BCL2L13: variants seen among roughly 807,000 people sequenced by gnomAD.
BCL2L13 encodes the protein BCL2 like 13, also known as bcl-2-like protein 13.
A neutral mutation model predicts 25.8 loss-of-function variants in BCL2L13; 13 were observed. That is an observed-to-expected ratio of 0.50 (90% confidence interval 0.33 to 0.80). The LOEUF (loss-of-function observed/expected upper bound fraction) is 0.80, where lower values mean the gene tolerates loss of function less well. Among genes scored for constraint, BCL2L13 ranks in the 30% least tolerant of loss-of-function variants. The pLI is 0.02. For missense variants in BCL2L13, 504 were observed against 574.9 expected, an observed-to-expected ratio of 0.88 and a Z score of 1.26; for synonymous variants, 244 against 230.3, an observed-to-expected ratio of 1.06 and a Z score of -0.54.
chr22:17,633,076 G>C (rs954111176), intron 1 of BCL2L13, among the ~76,000 whole-genome samples: 21 of 152,104 alleles, frequency 1.4e-4, no homozygotes, highest in African/African-American at 4.8e-4. Flanking sequence ...TTTTTATTTT[G>C]AGACATTAGA....
At chr22:17,687,393 G>A (rs1282107770) in intron 3 of BCL2L13, among the ~76,000 whole-genome samples, 1 of 152,168 alleles carries the variant, frequency 6.6e-6, no homozygotes, top group Non-Finnish European at 1.5e-5. Flanking sequence ...CCAGGTTGGA[G>A]TGTAGTGTCA....
At chr22:17,709,905 C>T (rs2060698457) in intron 6 of BCL2L13, among the ~76,000 whole-genome samples, 2 of 151,124 alleles carry the variant, frequency 1.3e-5, no homozygotes, top group Non-Finnish European at 2.9e-5. Flanking sequence ...TGAGTGAGAG[C>T]CCATCTCTAC....
chr22:17,634,960 GAA>G (rs60698908), upstream of BCL2L13, among the ~76,000 whole-genome samples: 41 of 101,946 alleles, frequency 4.0e-4, no homozygotes, highest in Middle Eastern at 4.9e-3. Context: ...GTCTCAAAAG[GAA>G]AAAAAAAAAA....
rs893320724 is a variant in BCL2L13 at position 17,695,577 on chromosome 22, C to T, written c.387-564C>T. Among the ~76,000 whole-genome samples the T allele has an allele frequency of 5.3e-5, 8 of 152,222 alleles. No homozygotes were observed. In the South Asian group the frequency reaches 8.3e-4, roughly 16 times the overall value. On this transcript the variant is annotated intron_variant, in intron 4 of 6. Coordinates refer to ENST00000317582, the MANE Select transcript of BCL2L13 (RefSeq NM_015367.4). ...CTTCGTGATCCACCTGCCTCGGCCTCTCAAAGTGCTGGGATTACAGGCATG... is the reference window on the plus strand; with the variant it reads ...CTTCGTGATCCACCTGCCTCGGCCTTTCAAAGTGCTGGGATTACAGGCATG...
At chr22:17,678,556 A>G (rs1357823831) in intron 2 of BCL2L13, among the ~76,000 whole-genome samples, 1 of 152,158 alleles carries the variant, frequency 6.6e-6, no homozygotes, top group Non-Finnish European at 1.5e-5. Context: ...GGTAGAACCT[A>G]TCCAAGCTTC....
At chr22:17,630,079 G>A (rs111286801) in intron 1 of BCL2L13, among the ~76,000 whole-genome samples, 8,717 of 151,842 alleles carry the variant, frequency 0.057, 399 homozygotes, top group African/African-American at 0.12. Flanking sequence ...ATTAACAGGC[G>A]TGGTGGTGTG....
At chr22:17,686,573 C>T (rs1379557713) in intron 3 of BCL2L13, among the ~76,000 whole-genome samples, 1 of 146,484 alleles carries the variant, frequency 6.8e-6, no homozygotes, top group Non-Finnish European at 1.5e-5. Context: ...TGCAGTGGTG[C>T]GATCTCAGTT....
At chr22:17,631,239 A>G (rs962826313) in intron 1 of BCL2L13, among the ~76,000 whole-genome samples, 8 of 150,724 alleles carry the variant, frequency 5.3e-5, no homozygotes. Context: ...TGGGATTACA[A>G]GCGCCCGCCA....
intron 2 of BCL2L13, among the ~76,000 whole-genome samples, chr22:17,678,599 C>A (rs778204440): frequency 9.2e-5 from 14 of 152,156 alleles, no homozygotes; most frequent in Non-Finnish European, 1.6e-4. Flanking sequence ...ACTATTATTT[C>A]ATCCCTCATA....
At chr22:17,666,946 A>G (rs1481665663) in intron 2 of BCL2L13, among the ~76,000 whole-genome samples, 2 of 151,988 alleles carry the variant, frequency 1.3e-5, no homozygotes, top group African/African-American at 4.8e-5. Flanking sequence ...CAGCCTCCCA[A>G]AGTGCTGGGA....
At chr22:17,719,827 CAAAA>C in intron 6 of BCL2L13, among the ~76,000 whole-genome samples, 1 of 91,136 alleles carries the variant, frequency 1.1e-5, no homozygotes, top group African/African-American at 3.7e-5. Context: ...GACTCCATCT[CAAAA>C]AAAAAAAAAA....
chr22:17,677,598 G>A (rs1045998138), intron 2 of BCL2L13, among the ~76,000 whole-genome samples: 2 of 152,182 alleles, frequency 1.3e-5, no homozygotes, highest in Admixed American at 6.5e-5. Flanking sequence ...ACACAGCTGG[G>A]CGCGGTGGCT....
chr22:17,661,680 C>T (rs1415753447), intron 2 of BCL2L13, among the ~76,000 whole-genome samples: 1 of 146,002 alleles, frequency 6.8e-6, no homozygotes, highest in Non-Finnish European at 1.6e-5. Context: ...TTCACACTTA[C>T]TATGACATGA....
chr22:17,705,979 G>A (rs1302951065), intron 6 of BCL2L13, among the ~76,000 whole-genome samples: 1 of 152,156 alleles, frequency 6.6e-6, no homozygotes, highest in Non-Finnish European at 1.5e-5. Context: ...AGATTTGAAG[G>A]AGAAAAATAA....
At chr22:17,674,476 G>A (rs1376769249) in intron 2 of BCL2L13, among the ~76,000 whole-genome samples, 3 of 151,902 alleles carry the variant, frequency 2.0e-5, no homozygotes, top group Admixed American at 6.6e-5. Flanking sequence ...CATGGTTCCG[G>A]GCGCCTGTAA....
At chr22:17,717,077 A>G in intron 6 of BCL2L13, among the ~76,000 whole-genome samples, 1 of 152,118 alleles carries the variant, frequency 6.6e-6, no homozygotes, top group Non-Finnish European at 1.5e-5. Context: ...TGCATATATG[A>G]TGATACTTTT....
chr22:17,656,912 G>A (rs578216326), intron 2 of BCL2L13, among the ~76,000 whole-genome samples: 3 of 152,114 alleles, frequency 2.0e-5, no homozygotes, highest in South Asian at 2.1e-4. Flanking sequence ...TCTGCCTCCC[G>A]GGTTCAAGCA....
chr22:17,683,132 C>CAAA (rs34013263), intron 2 of BCL2L13, 82 bp from the exon 3 acceptor site: 6,462 of 600,578 alleles, frequency 0.011, 15 homozygotes, highest in Non-Finnish European at 0.013. Flanking sequence ...GACTCCGTCT[C>CAAA]AAAAAAAAAA....
At chr22:17,682,711 A>G (rs2059792379) in intron 2 of BCL2L13, among the ~76,000 whole-genome samples, 1 of 152,162 alleles carries the variant, frequency 6.6e-6, no homozygotes. Flanking sequence ...CTCACTCTCA[A>G]TCCATAGGCC....
Sources: allele counts gnomAD v4.1 joint callset (sites outside exome capture counted in the v4.1 genomes callset), GRCh38; gene constraint gnomAD v4.1.1; transcripts MANE v1.5; gene names NCBI Gene and HGNC (gene_info 2026-07-23, HGNC 2026-07-21).